Variants in SEPTIN9 observed in about 807,000 individuals in gnomAD.
The protein encoded by SEPTIN9 is septin-9.
In SEPTIN9, 13 loss-of-function variants were observed where a neutral mutation model predicts 56.6. The ratio of observed to expected loss-of-function variants is 0.23; its 90% CI spans 0.15 to 0.37. SEPTIN9 has a LOEUF of 0.37. Ranked by LOEUF, SEPTIN9 falls within the 10% of genes least tolerant of loss-of-function variation. SEPTIN9 has a pLI of 1.00. For synonymous variants in SEPTIN9, 332 were observed against 334.1 expected, an observed-to-expected ratio of 0.99 and a Z score of 0.07; for missense variants, 650 against 823.1, an observed-to-expected ratio of 0.79 and a Z score of 2.57.
At position 77,460,987 on chromosome 17, in the gene SEPTIN9, T is replaced by TGTTACCCA. The variant is rs1322192586; in HGVS notation, c.722-21155_722-21154insTACCCAGT. On this transcript the variant is annotated intron_variant, in intron 3 of 11. Transcript: ENST00000427177. ...TTTAGTGACTTAGCAGATCCCAGTC[T>TGTTACCCA]GTGTTACCCAGGGCCCTTTTAAAAA... 5.9e-5 allele frequency among the ~76,000 whole-genome samples: 9 copies of TGTTACCCA among 152,306 alleles called. No homozygotes were observed. The South Asian group carries it at 1.9e-3, about 32-fold the overall frequency.
intron 1 of SEPTIN9, among the ~76,000 whole-genome samples, chr17:77,290,869 T>TTTA (rs943493801): frequency 2.0e-5 from 3 of 149,856 alleles, no homozygotes; most frequent in Non-Finnish European, 4.4e-5. Flanking sequence ...ACTTGCATTA[T>TTTA]TTATTATTAT....
chr17:77,385,164 CTTTTTTTT>C (rs530528683), intron 2 of SEPTIN9, among the ~76,000 whole-genome samples: 6 of 123,502 alleles, frequency 4.9e-5, no homozygotes, highest in African/African-American at 1.5e-4. Context: ...AGACCCCCAC[CTTTTTTTT>C]TTTTTTTTTT....
chr17:77,284,131 A>G (rs1400944605), intron 1 of SEPTIN9, among the ~76,000 whole-genome samples: 1 of 151,938 alleles, frequency 6.6e-6, no homozygotes, highest in East Asian at 1.9e-4. Flanking sequence ...GCTTGAGCCC[A>G]GGAGGCTACT....
At chr17:77,311,536 C>T (rs551384744) in intron 2 of SEPTIN9, among the ~76,000 whole-genome samples, 1 of 152,332 alleles carries the variant, frequency 6.6e-6, no homozygotes, top group South Asian at 2.1e-4. Flanking sequence ...TGCCTCCCTT[C>T]ATCCTATGCT....
intron 2 of SEPTIN9, among the ~76,000 whole-genome samples, chr17:77,340,104 C>T (rs577974310): frequency 2.0e-4 from 31 of 151,940 alleles, no homozygotes; most frequent in African/African-American, 7.0e-4. Flanking sequence ...GCTGGGATTA[C>T]AGCTGTGAGC....
intron 3 of SEPTIN9, among the ~76,000 whole-genome samples, chr17:77,430,140 CCCTCCCAG>C (rs986651119): frequency 3.3e-5 from 5 of 151,992 alleles, no homozygotes; most frequent in African/African-American, 1.2e-4. Flanking sequence ...CCTGGGGCTG[CCCTCCCAG>C]CCCCTGTTCT....
Position 77,449,864 on chromosome 17 carries a change from G to A in SEPTIN9, c.722-32280G>A, listed in dbSNP as rs1199869334. On this transcript the variant is annotated intron_variant, in intron 3 of 11. Transcript: ENST00000427177. This position sits in a 1 kb window ranked among gnomAD's most constrained non-coding sequence, Gnocchi z 4.6. Reference sequence around the variant, plus strand: ...GACGTGTGTGTCTTGCTGTAATTTTGGCGACTGGTGTTGGTGGTGCCCATT... The same window carrying A: ...GACGTGTGTGTCTTGCTGTAATTTTAGCGACTGGTGTTGGTGGTGCCCATT... Among the ~76,000 whole-genome samples the A allele has an allele frequency of 6.6e-6, 1 of 152,182 alleles. No individual in the cohort carries two copies. The highest frequency in any genetic ancestry group is 2.4e-5 in the African/African-American group (1 of 41,422).
At position 77,326,497 on chromosome 17, in the gene SEPTIN9, G is replaced by A. The variant is rs1342789447; in HGVS notation, c.76+19300G>A. ...CCAGGCTCAAACCCAGCAGGCAGAG[G>A]CGATCGCTGCAGGCAACCGGCAATG... On this transcript the variant is annotated intron_variant, in intron 2 of 11. Transcript: ENST00000427177. The surrounding 1 kb of genome is among the most constrained non-coding windows in gnomAD (Gnocchi z 5.1). Among the ~76,000 whole-genome samples the A allele has an allele frequency of 1.3e-5, 2 of 152,242 alleles. No homozygotes were observed. The highest frequency in any genetic ancestry group is 2.9e-5 in the Non-Finnish European group (2 of 68,040).
At chr17:77,292,366 G>A (rs566355655) in intron 1 of SEPTIN9, among the ~76,000 whole-genome samples, 4 of 152,318 alleles carry the variant, frequency 2.6e-5, no homozygotes, top group South Asian at 2.1e-4. Context: ...TGAGTGAAAC[G>A]CATCTACCCC....
chr17:77,320,351 A>G, intron 2 of SEPTIN9: 5 of 1,612,488 alleles, frequency 3.1e-6, no homozygotes, highest in Non-Finnish European at 4.2e-6. Context: ...GATCTCAGGT[A>G]CGCAGACAGC....
At chr17:77,340,094 G>A (rs953602654) in intron 2 of SEPTIN9, among the ~76,000 whole-genome samples, 1 of 151,894 alleles carries the variant, frequency 6.6e-6, no homozygotes, top group African/African-American at 2.4e-5. Context: ...CTCCCAAAAT[G>A]CTGGGATTAC....
chr17:77,405,172 C>T lies in SEPTIN9; in HGVS notation c.721+2469C>T. 1 of 1,508,858 alleles carries T rather than the reference C, an allele frequency of 6.6e-7. No individual in the cohort carries two copies. 93.5% of individuals were successfully genotyped at this position (1,508,858 alleles called of 1,614,324 possible). On this transcript the variant is annotated intron_variant, in intron 3 of 11. Coordinates refer to ENST00000427177, the MANE Select transcript of SEPTIN9 (RefSeq NM_001113491.2). The surrounding 1 kb of genome is among the most constrained non-coding windows in gnomAD (Gnocchi z 5.8). ...GGATGTCCATGGGGATGTACAAGAACATTCTCCTCCAGGGGCAGACACAGT... is the reference window on the plus strand; with the variant it reads ...GGATGTCCATGGGGATGTACAAGAATATTCTCCTCCAGGGGCAGACACAGT...
intron 3 of SEPTIN9, among the ~76,000 whole-genome samples, chr17:77,408,606 A>G (rs975373722): frequency 7.2e-6 from 1 of 139,286 alleles, no homozygotes; most frequent in African/African-American, 2.6e-5. Flanking sequence ...GCTCCCTGGA[A>G]CCACCCAACA....
At position 77,499,376 on chromosome 17, in the gene SEPTIN9, C is replaced by G. The variant is rs370900865; in HGVS notation, c.*718C>G. 701 of 564,608 alleles carry G rather than the reference C, an allele frequency of 1.2e-3. 6 individuals are homozygous for G. The highest frequency in any genetic ancestry group is 9.7e-3 in the South Asian group (653 of 67,638). The allele number at this position is 564,608 out of a possible 1,614,324, so 35.0% of individuals were successfully genotyped here. Reference sequence around the variant, plus strand: ...GTCTTCATCTCCCTGCCATCCCCCTCTCACGCCACCCCCGCCCCCACCGGG... The same window carrying G: ...GTCTTCATCTCCCTGCCATCCCCCTGTCACGCCACCCCCGCCCCCACCGGG... On this transcript the variant is annotated 3_prime_UTR_variant, in exon 12 of 12. Coordinates refer to ENST00000427177, the MANE Select transcript of SEPTIN9 (RefSeq NM_001113491.2).
intron 10 of SEPTIN9, 23 bp from the exon 11 acceptor site, chr17:77,497,292 G>C (rs201466488): frequency 6.2e-7 from 1 of 1,611,392 alleles, no homozygotes; most frequent in Non-Finnish European, 8.5e-7. Flanking sequence ...GGACATTAAA[G>C]CCCCTCCTGT....
chr17:77,479,684 G>T (rs1394831881), intron 3 of SEPTIN9, among the ~76,000 whole-genome samples: 1 of 152,034 alleles, frequency 6.6e-6, no homozygotes, highest in Non-Finnish European at 1.5e-5. Context: ...CCCCTCCCTC[G>T]CTCTGGGCTC....
chr17:77,454,447 G>C (rs1039092445), intron 3 of SEPTIN9: 1 of 863,602 alleles, frequency 1.2e-6, no homozygotes. Flanking sequence ...TGCCCAGTCC[G>C]CTGTACGTGT....
intron 1 of SEPTIN9, among the ~76,000 whole-genome samples, chr17:77,289,469 C>T (rs1162248434): frequency 1.4e-5 from 2 of 140,606 alleles, no homozygotes; most frequent in Admixed American, 7.6e-5. Context: ...AGTGCAAAGG[C>T]GCGATCTCAG....
intron 2 of SEPTIN9, among the ~76,000 whole-genome samples, chr17:77,314,643 C>T (rs569955689): frequency 5.5e-4 from 84 of 152,270 alleles, no homozygotes; most frequent in African/African-American, 1.9e-3. Flanking sequence ...GCCAAAGATG[C>T]GTTCTCTCCA....
Sources: gnomAD v4.1 joint callset for allele counts (sites outside exome capture counted in the v4.1 genomes callset) on GRCh38, gnomAD v4.1.1 for gene constraint, Gnocchi (gnomAD v3.1) non-coding constraint, MANE v1.5 for transcripts, NCBI Gene and HGNC (gene_info 2026-07-23, HGNC 2026-07-21) for gene names.